The following SPRR2G variants were observed in gnomAD, a reference collection of about 807,000 sequenced individuals.
SPRR2G encodes the protein small proline-rich protein 2G.
In SPRR2G, 1 loss-of-function variant was observed where a neutral mutation model predicts 0.7. The observed-to-expected ratio is 1.49, with a 90% CI of 0.53 to 7.06. The LOEUF (loss-of-function observed/expected upper bound fraction) is 7.06. Among genes scored for constraint, SPRR2G ranks in the 30% most tolerant of loss-of-function variants. The pLI is 0.14. For missense variants in SPRR2G, 96 were observed against 88.5 expected, an observed-to-expected ratio of 1.09 and a Z score of -0.34; for synonymous variants, 38 against 33.9, an observed-to-expected ratio of 1.12 and a Z score of -0.42.
chr1:153,164,864 C>A, the SPRR2G span, among the ~76,000 whole-genome samples: 3,355 of 152,186 alleles, frequency 0.022, 109 homozygotes, highest in East Asian at 0.11. Flanking sequence ...GTTTAAGGAA[C>A]CTATAAACTC....
At chr1:153,171,407 T>C in the SPRR2G span, among the ~76,000 whole-genome samples, 1 of 152,108 alleles carries the variant, frequency 6.6e-6, no homozygotes, top group African/African-American at 2.4e-5. Context: ...CCCACTCGCC[T>C]CCCCAGGAAT....
the SPRR2G span, among the ~76,000 whole-genome samples, chr1:153,189,217 C>T: frequency 2.0e-5 from 3 of 152,056 alleles, no homozygotes; most frequent in African/African-American, 7.2e-5. Context: ...ACTTGAATTT[C>T]CATTTTACTT....
the SPRR2G span, among the ~76,000 whole-genome samples, chr1:153,186,106 C>T: frequency 2.0e-5 from 3 of 152,102 alleles, no homozygotes; most frequent in Admixed American, 6.5e-5. Flanking sequence ...CATTCTTTTG[C>T]ATTTGCTGAG....
the SPRR2G span, among the ~76,000 whole-genome samples, chr1:153,167,840 AG>A: frequency 6.6e-6 from 1 of 152,232 alleles, no homozygotes. Context: ...ACAATAATAT[AG>A]TAATGTTTTT....
chr1:153,150,680 T>A (rs1327287842), intron 1 of SPRR2G, among the ~76,000 whole-genome samples, 172 bp downstream of exon 1: 1 of 152,232 alleles, frequency 6.6e-6, no homozygotes, highest in Non-Finnish European at 1.5e-5. Flanking sequence ...AGGTTCCTCA[T>A]CACCTTCATG....
chr1:153,183,643 C>A, the SPRR2G span, among the ~76,000 whole-genome samples: 4 of 152,146 alleles, frequency 2.6e-5, no homozygotes, highest in East Asian at 7.7e-4. Flanking sequence ...GGATAGATTG[C>A]AAAAATTTTC....
At chr1:153,177,905 C>T in the SPRR2G span, among the ~76,000 whole-genome samples, 1 of 150,446 alleles carries the variant, frequency 6.6e-6, no homozygotes, top group Non-Finnish European at 1.5e-5. Flanking sequence ...ATTAGGATTG[C>T]AAGGAATAAA....
At chr1:153,170,037 A>C in the SPRR2G span, among the ~76,000 whole-genome samples, 1 of 152,206 alleles carries the variant, frequency 6.6e-6, no homozygotes, top group Non-Finnish European at 1.5e-5. Context: ...TAATTTATTT[A>C]GACATGATTT....
At chr1:153,201,609 T>G in the SPRR2G span, among the ~76,000 whole-genome samples, 1 of 152,154 alleles carries the variant, frequency 6.6e-6, no homozygotes, top group East Asian at 1.9e-4. Context: ...ATGAAAGGAG[T>G]GAGCTGCACA....
the SPRR2G span, among the ~76,000 whole-genome samples, chr1:153,185,634 T>C: frequency 6.6e-6 from 1 of 152,166 alleles, no homozygotes; most frequent in Non-Finnish European, 1.5e-5. Context: ...TGGCTAGCAG[T>C]CTATCTATTT....
At chr1:153,179,060 G>C in the SPRR2G span, among the ~76,000 whole-genome samples, 4 of 152,182 alleles carry the variant, frequency 2.6e-5, no homozygotes, top group East Asian at 7.7e-4. Flanking sequence ...TGCAAAGGCA[G>C]CTAGGCAAGT....
the SPRR2G span, among the ~76,000 whole-genome samples, chr1:153,169,985 C>T: frequency 1.3e-5 from 2 of 152,150 alleles, no homozygotes; most frequent in African/African-American, 4.8e-5. Flanking sequence ...CATCATTCTT[C>T]AGTTCACAGT....
At chr1:153,189,918 G>A in the SPRR2G span, among the ~76,000 whole-genome samples, 1 of 152,142 alleles carries the variant, frequency 6.6e-6, no homozygotes, top group African/African-American at 2.4e-5. Flanking sequence ...AAAGCCTCCT[G>A]TAGGGTGGGC....
At chr1:153,164,935 T>TCCCC in the SPRR2G span, among the ~76,000 whole-genome samples, 4 of 152,182 alleles carry the variant, frequency 2.6e-5, no homozygotes, top group Admixed American at 2.6e-4. Context: ...ACTTCTCTCT[T>TCCCC]CTCCCTACAC....
At chr1:153,183,159 C>G in the SPRR2G span, among the ~76,000 whole-genome samples, 1 of 146,774 alleles carries the variant, frequency 6.8e-6, no homozygotes, top group African/African-American at 2.5e-5. Flanking sequence ...GTTTCCGCCT[C>G]CTGGGTTCAA....
the SPRR2G span, chr1:153,176,464 A>T: frequency 2.0e-5 from 3 of 152,204 alleles, no homozygotes; most frequent in South Asian, 6.2e-4. Flanking sequence ...TTTATCCTAG[A>T]TAAAACTGGT....
the SPRR2G span, among the ~76,000 whole-genome samples, chr1:153,198,257 G>T: frequency 3.3e-5 from 5 of 152,228 alleles, no homozygotes; most frequent in Non-Finnish European, 5.9e-5. Flanking sequence ...AAAAGTAGAA[G>T]ACCGAGCTGA....
At chr1:153,157,003 T>TA in the SPRR2G span, among the ~76,000 whole-genome samples, 1 of 152,144 alleles carries the variant, frequency 6.6e-6, no homozygotes, top group African/African-American at 2.4e-5. Flanking sequence ...ATTTACAGGG[T>TA]AAACCACATG....
At chr1:153,198,373 C>T in the SPRR2G span, among the ~76,000 whole-genome samples, 1 of 152,232 alleles carries the variant, frequency 6.6e-6, no homozygotes, top group African/African-American at 2.4e-5. Flanking sequence ...AAATTCACTT[C>T]GGCAATGCTG....
Sources: gnomAD v4.1 joint callset for allele counts (sites outside exome capture counted in the v4.1 genomes callset) on GRCh38, gnomAD v4.1.1 for gene constraint, MANE v1.5 for transcripts, NCBI Gene and HGNC (gene_info 2026-07-23, HGNC 2026-07-21) for gene names.